Variants in FAM114A1 observed in about 807,000 individuals in gnomAD.
FAM114A1 encodes family with sequence similarity 114 member A1.
A neutral mutation model predicts 64.3 loss-of-function variants in FAM114A1; 62 were observed. That is an observed-to-expected ratio of 0.96 (90% CI 0.79 to 1.19). The LOEUF (loss-of-function observed/expected upper bound fraction) is 1.19, where lower values mean the gene tolerates loss of function less well. Among genes scored for constraint, FAM114A1 ranks in the 50% most tolerant of loss-of-function variants. FAM114A1 has a pLI of 0.00. For missense variants in FAM114A1, 645 were observed against 676.3 expected, an observed-to-expected ratio of 0.95 and a Z score of 0.51; for synonymous variants, 254 against 251.1, an observed-to-expected ratio of 1.01 and a Z score of -0.11.
intron 6 of FAM114A1, 84 bp downstream of exon 6, chr4:38,905,945 C>A: frequency 8.4e-7 from 1 of 1,197,396 alleles, no homozygotes; most frequent in East Asian, 2.5e-5. Flanking sequence ...GACCTAGATA[C>A]ATCAGAGAAA....
At chr4:38,941,076 C>CA in intron 14 of FAM114A1, 55 bp downstream of exon 14, 4 of 1,236,014 alleles carry the variant, frequency 3.2e-6, no homozygotes, top group Non-Finnish European at 4.5e-6. Context: ...GTTAGAACTA[C>CA]TTTTTTTTTT....
intron 6 of FAM114A1, among the ~76,000 whole-genome samples, chr4:38,906,443 C>T (rs1718013979): frequency 1.3e-5 from 2 of 152,100 alleles, no homozygotes; most frequent in Non-Finnish European, 2.9e-5. Context: ...AGCAGCAAAA[C>T]ATTGGTGAAT....
intron 4 of FAM114A1, among the ~76,000 whole-genome samples, chr4:38,903,027 C>CT (rs200224993): frequency 9.3e-5 from 14 of 150,774 alleles, no homozygotes; most frequent in African/African-American, 2.7e-4. Context: ...TTTTTTGTTT[C>CT]TTTTTTTTTG....
chr4:38,886,448 G>A (rs911355146), intron 3 of FAM114A1, among the ~76,000 whole-genome samples: 5 of 151,554 alleles, frequency 3.3e-5, no homozygotes, highest in African/African-American at 1.2e-4. Context: ...TGGGTTTACA[G>A]GTGTGAGCTA....
At chr4:38,894,009 A>G (rs1323476516) in intron 4 of FAM114A1, among the ~76,000 whole-genome samples, 1 of 151,970 alleles carries the variant, frequency 6.6e-6, no homozygotes, top group Non-Finnish European at 1.5e-5. Context: ...CTAAAAATAC[A>G]AAAATTAGCT....
At chr4:38,932,107 C>G in intron 11 of FAM114A1, 128 bp from the exon 12 acceptor site, 1 of 1,059,574 alleles carries the variant, frequency 9.4e-7, no homozygotes, top group East Asian at 2.6e-5. Context: ...TTGTAATCAT[C>G]AGGTTAACTA....
At chr4:38,923,962 TG>T (rs1175813708) in intron 9 of FAM114A1, among the ~76,000 whole-genome samples, 2 of 152,214 alleles carry the variant, frequency 1.3e-5, no homozygotes, top group Non-Finnish European at 2.9e-5. Context: ...TTCTTACTGA[TG>T]TCATAACCAC....
intron 2 of FAM114A1, among the ~76,000 whole-genome samples, chr4:38,873,261 A>T (rs923649823): frequency 6.6e-6 from 1 of 152,226 alleles, no homozygotes; most frequent in African/African-American, 2.4e-5. Flanking sequence ...GGTCTGGCAG[A>T]TATTTTTGCT....
rs1326925574 is a variant in FAM114A1, at chr4:38,870,731, A to T, written c.-9+2185A>T. ...CAGGAAAGGTTTCTAAGTCTGGCTT[A>T]TGGAACACCCAGACGGAGATGGAAA... On this transcript the variant is annotated intron_variant, in intron 2 of 14. Transcript: ENST00000358869. 2.0e-5 allele frequency among the ~76,000 whole-genome samples: 3 copies of T among 152,188 alleles called. No homozygotes were observed. The South Asian group carries it at 6.2e-4, about 32-fold the overall frequency.
chr4:38,894,588 T>C (rs1396828255), intron 4 of FAM114A1, among the ~76,000 whole-genome samples: 1 of 152,214 alleles, frequency 6.6e-6, no homozygotes, highest in East Asian at 1.9e-4. Flanking sequence ...TCTGCACGTA[T>C]GCAAAGATCA....
chr4:38,911,780 G>A (rs1220809268), intron 7 of FAM114A1, among the ~76,000 whole-genome samples: 4 of 148,214 alleles, frequency 2.7e-5, no homozygotes, highest in Middle Eastern at 3.5e-3. Flanking sequence ...CATTTCTCAC[G>A]TATTTTTATC....
In FAM114A1 at chr4:38,891,699, G is replaced by A. The variant is rs774479090; in HGVS notation, c.349-44G>A. 2.4e-5 allele frequency: 36 copies of A among 1,511,218 alleles called. No homozygotes were observed. The East Asian group carries it at 7.8e-4, about 33-fold the overall frequency. The allele number at this position is 1,511,218 out of a possible 1,614,324, so 93.6% of individuals were successfully genotyped here. A position where few individuals can be genotyped will look rare whatever the true frequency, so the allele number is the denominator to read the frequency against. On this transcript the variant is annotated intron_variant, in intron 3 of 14. Transcript: ENST00000358869. ...ACCAATAGGTGTTTTTCCATTCAGAGATATACTGAATTTCTGACCTGTGGC... is the reference window on the plus strand; with the variant it reads ...ACCAATAGGTGTTTTTCCATTCAGAAATATACTGAATTTCTGACCTGTGGC...
chr4:38,907,419 A>G (rs1718129032), intron 6 of FAM114A1, among the ~76,000 whole-genome samples: 4 of 152,158 alleles, frequency 2.6e-5, no homozygotes, highest in South Asian at 2.1e-4. Flanking sequence ...AGTTCCAGAC[A>G]CTACCCCTCC....
intron 8 of FAM114A1, among the ~76,000 whole-genome samples, chr4:38,918,343 T>C (rs867584769): frequency 2.0e-5 from 3 of 152,222 alleles, no homozygotes; most frequent in Non-Finnish European, 4.4e-5. Flanking sequence ...GCAGCATTCC[T>C]GCATTTAGGG....
At chr4:38,922,257 T>A (rs1454817200) in intron 8 of FAM114A1, among the ~76,000 whole-genome samples, 1 of 152,226 alleles carries the variant, frequency 6.6e-6, no homozygotes, top group Non-Finnish European at 1.5e-5. Context: ...TGTATATTTA[T>A]AAGTATTGAG....
intron 1 of FAM114A1, 181 bp downstream of exon 1, chr4:38,868,015 TG>T: frequency 4.8e-6 from 2 of 420,336 alleles, no homozygotes; most frequent in Admixed American, 2.4e-5. Context: ...GGTGAGGGTC[TG>T]GGGCGGCGCG....
intron 7 of FAM114A1, 28 bp from the exon 8 acceptor site, chr4:38,914,893 A>C (rs750031226): frequency 1.7e-5 from 28 of 1,603,436 alleles, no homozygotes; most frequent in Non-Finnish European, 6.0e-6. Flanking sequence ...ATGTACATCC[A>C]GAGTACAAAC....
rs148885987 is a variant in FAM114A1, at chr4:38,887,113, G to T, written c.349-4630G>T. Among the ~76,000 whole-genome samples the T allele has an allele frequency of 2.6e-3, 402 of 152,188 alleles. 1 individual carries two copies. The highest frequency in any genetic ancestry group is 6.8e-3 in the Middle Eastern group (2 of 294). ...GAGAGGGAGGAAGTAATTGTGAATCGCAGGGTAGTGTACTTAATTTGTGTT... is the reference window on the plus strand; with the variant it reads ...GAGAGGGAGGAAGTAATTGTGAATCTCAGGGTAGTGTACTTAATTTGTGTT... On this transcript the variant is annotated intron_variant, in intron 3 of 14. Coordinates refer to ENST00000358869, the MANE Select transcript of FAM114A1 (RefSeq NM_138389.4).
At chr4:38,878,681 C>T (rs905824936) in intron 3 of FAM114A1, among the ~76,000 whole-genome samples, 1 of 152,204 alleles carries the variant, frequency 6.6e-6, no homozygotes, top group Non-Finnish European at 1.5e-5. Flanking sequence ...AGGCACTCTG[C>T]TAGCCACTTT....
Sources: gnomAD v4.1 joint callset for allele counts (sites outside exome capture counted in the v4.1 genomes callset) on GRCh38, gnomAD v4.1.1 for gene constraint, MANE v1.5 for transcripts, NCBI Gene and HGNC (gene_info 2026-07-23, HGNC 2026-07-21) for gene names.